MYO16: variants seen among roughly 807,000 people sequenced by gnomAD.
The protein encoded by MYO16 is myosin XVI.
Under a neutral mutation model 205.3 loss-of-function variants are expected in MYO16, and 94 were observed. The observed-to-expected ratio is 0.46, with a 90% CI of 0.39 to 0.54. The LOEUF is 0.54. Among genes scored for constraint, MYO16 ranks in the 20% least tolerant of loss-of-function variants. The pLI, the probability that MYO16 is intolerant of heterozygous loss-of-function variation, is 0.00. For synonymous variants in MYO16, 988 were observed against 954.0 expected (o/e 1.04, Z -0.66); for missense variants, 2,315 against 2,387.5 (o/e 0.97, Z 0.63).
At chr13:108,769,659 GTGGTTCTGGAATAACAGA>G (rs1885897520) in intron 4 of MYO16, among the ~76,000 whole-genome samples, 1 of 152,200 alleles carries the variant, frequency 6.6e-6, no homozygotes, top group Admixed American at 6.5e-5. Context: ...GCAAGACCGG[GTGGTTCTGGAATAACAGA>G]TTAGAAAGAC....
intron 1 of MYO16, among the ~76,000 whole-genome samples, chr13:108,619,006 G>C (rs9514872): frequency 0.96 from 146,609 of 152,188 alleles, 70,799 homozygotes; most frequent in East Asian, 1. Context: ...TAGCCCATTT[G>C]CCTGATTTCT....
At chr13:109,128,768 G>GTTTTAGTTT (rs1232779988) in intron 31 of MYO16, among the ~76,000 whole-genome samples, 3 of 115,016 alleles carry the variant, frequency 2.6e-5, no homozygotes, top group African/African-American at 1.0e-4. Context: ...CACTTTTTTA[G>GTTTTAGTTT]TTTTTTTTTT....
chr13:109,023,962 C>CTATATATTTCTATATG (rs1166728237), intron 23 of MYO16, among the ~76,000 whole-genome samples: 1 of 134,242 alleles, frequency 7.4e-6, no homozygotes, highest in Admixed American at 7.9e-5. Context: ...TAAATATATA[C>CTATATATTTCTATATG]TATATATTTC....
chr13:108,684,691 C>T (rs1442933767), intron 2 of MYO16, among the ~76,000 whole-genome samples: 1 of 152,124 alleles, frequency 6.6e-6, no homozygotes, highest in Non-Finnish European at 1.5e-5. Flanking sequence ...GCCCCAACCC[C>T]TAAACTTTGG....
intron 27 of MYO16, among the ~76,000 whole-genome samples, chr13:109,071,632 TAA>T: frequency 6.6e-6 from 1 of 152,346 alleles, no homozygotes; most frequent in Admixed American, 6.5e-5. Flanking sequence ...CTAAGAAATA[TAA>T]GTTAACCATT....
intron 20 of MYO16, among the ~76,000 whole-genome samples, chr13:108,986,312 A>G (rs1014526827): frequency 5.9e-5 from 9 of 152,142 alleles, no homozygotes; most frequent in African/African-American, 2.2e-4. Flanking sequence ...ATTTTTATAC[A>G]TGTAATCTCC....
chr13:109,077,008 T>TTGG lies in MYO16; in HGVS notation c.3335+21413_3335+21414insTGG, dbSNP rs35770594. Among the ~76,000 whole-genome samples, 18 of 143,426 alleles carry TTGG rather than the reference T, an allele frequency of 1.3e-4. 1 individual carries two copies. Among genetic ancestry groups the TTGG allele is most frequent in the Non-Finnish European group, 2.0e-4 (13 of 65,168 alleles). 94.1% of individuals were successfully genotyped at this position (143,426 alleles called of 152,430 possible). A position where few individuals can be genotyped will look rare whatever the true frequency, so the allele number is the denominator to read the frequency against. On this transcript the variant is annotated intron_variant, in intron 27 of 34. Coordinates refer to ENST00000457511, the MANE Select transcript of MYO16 (RefSeq NM_001198950.3). ...ATTTGTTTACACTTTTTTTTTTTTTTGGAGATGGAGTCTCGCTCTGTCGCC... is the reference window on the plus strand; with the variant it reads ...ATTTGTTTACACTTTTTTTTTTTTTTTGGGGAGATGGAGTCTCGCTCTGTCGCC...
chr13:108,928,290 G>A (rs533135952), intron 16 of MYO16, among the ~76,000 whole-genome samples: 37 of 152,282 alleles, frequency 2.4e-4, no homozygotes, highest in Admixed American at 7.2e-4. Context: ...TCACGTGTCC[G>A]GTAAATGCAG....
At chr13:108,733,862 G>A (rs1359554727) in intron 4 of MYO16, among the ~76,000 whole-genome samples, 2 of 152,156 alleles carry the variant, frequency 1.3e-5, no homozygotes, top group Admixed American at 6.5e-5. Flanking sequence ...CCAGCTACTC[G>A]GGAGGCTGAG....
chr13:108,564,983 A>T, the MYO16 span, among the ~76,000 whole-genome samples: 1 of 152,114 alleles, frequency 6.6e-6, no homozygotes, highest in African/African-American at 2.4e-5. Context: ...TTGTTTCTGC[A>T]TTCTCTATGC....
chr13:108,536,902 T>C, the MYO16 span, among the ~76,000 whole-genome samples: 1 of 152,122 alleles, frequency 6.6e-6, no homozygotes, highest in African/African-American at 2.4e-5. Context: ...CTTAAGTCCA[T>C]CATCACAAAT....
At chr13:108,951,505 C>T (rs1033872133) in intron 16 of MYO16, among the ~76,000 whole-genome samples, 1 of 152,118 alleles carries the variant, frequency 6.6e-6, no homozygotes, top group Admixed American at 6.5e-5. Context: ...CAATTAAATA[C>T]CTGTTGAAAT....
chr13:108,792,738 T>C (rs1886655465), intron 5 of MYO16, among the ~76,000 whole-genome samples: 2 of 152,170 alleles, frequency 1.3e-5, no homozygotes, highest in South Asian at 2.1e-4. Flanking sequence ...TCTTCAGCTC[T>C]TGCCCTCAGG....
intron 20 of MYO16, among the ~76,000 whole-genome samples, chr13:108,976,900 C>T (rs936572237): frequency 1.3e-5 from 2 of 152,076 alleles, no homozygotes; most frequent in Non-Finnish European, 2.9e-5. Flanking sequence ...CATTTTTCAA[C>T]TTTTGCCTCA....
chr13:108,793,462 C>T (rs1886684532), intron 5 of MYO16, 54 bp from the exon 6 acceptor site: 1 of 1,575,062 alleles, frequency 6.3e-7, no homozygotes, highest in South Asian at 1.1e-5. Context: ...CTTTGACCCC[C>T]AGGAACTGAG....
chr13:108,812,853 T>C lies in MYO16; in HGVS notation c.867+6049T>C, dbSNP rs542435415. Reference sequence around the variant, plus strand: ...TTTCCACCATGTGAGGATATAATGATCTTTCCCTCTGGAGGGTGCAACATT... The same window carrying C: ...TTTCCACCATGTGAGGATATAATGACCTTTCCCTCTGGAGGGTGCAACATT... On this transcript the variant is annotated intron_variant, in intron 7 of 34. Transcript: ENST00000457511. Among the ~76,000 whole-genome samples, 4 of 152,244 alleles carry C rather than the reference T, an allele frequency of 2.6e-5. No homozygotes were observed. In the South Asian group the frequency reaches 8.3e-4, roughly 32 times the overall value.
At chr13:108,961,466 A>C in intron 17 of MYO16, 73 bp from the exon 18 acceptor site, 1 of 1,191,448 alleles carries the variant, frequency 8.4e-7, no homozygotes, top group Non-Finnish European at 1.2e-6. Context: ...TTACTTTTAG[A>C]TATTTAAAAA....
chr13:108,555,866 G>C, the MYO16 span, among the ~76,000 whole-genome samples: 28 of 151,944 alleles, frequency 1.8e-4, no homozygotes, highest in African/African-American at 6.3e-4. Flanking sequence ...TTTTGTTCCT[G>C]GTATATTTCA....
intron 32 of MYO16, among the ~76,000 whole-genome samples, chr13:109,142,997 C>T (rs1307572180): frequency 1.3e-5 from 2 of 152,178 alleles, no homozygotes; most frequent in South Asian, 2.1e-4. Context: ...TCAAGACCCT[C>T]TACTGGTAAC....
Sources: gnomAD v4.1 joint callset for allele counts (sites outside exome capture counted in the v4.1 genomes callset) on GRCh38, gnomAD v4.1.1 for gene constraint, MANE v1.5 for transcripts, NCBI Gene and HGNC (gene_info 2026-07-23, HGNC 2026-07-21) for gene names.